Variants in CCSER1 observed in about 807,000 individuals in gnomAD.
CCSER1 encodes coiled-coil serine rich protein 1.
Under a neutral mutation model 82.0 loss-of-function variants are expected in CCSER1, and 41 were observed. That is an observed-to-expected ratio of 0.50 (90% CI 0.39 to 0.65). The LOEUF is 0.65. Ranked by LOEUF, CCSER1 falls within the 30% of genes least tolerant of loss-of-function variation. The pLI, the probability that CCSER1 is intolerant of heterozygous loss-of-function variation, is 0.00. For synonymous variants in CCSER1, 414 were observed against 383.9 expected (o/e 1.08, Z -0.92); for missense variants, 1,119 against 1,064.2 (o/e 1.05, Z -0.72).
chr4:90,202,463 A>G (rs1394648963), intron 1 of CCSER1, among the ~76,000 whole-genome samples: 1 of 152,164 alleles, frequency 6.6e-6, no homozygotes, highest in East Asian at 1.9e-4. Flanking sequence ...TTGGCCTCCC[A>G]GAGTGCTGGA....
Position 91,428,538 on chromosome 4 carries a change from C to T in CCSER1, c.2218-170034C>T, listed in dbSNP as rs1014299297. Among the ~76,000 whole-genome samples the T allele has an allele frequency of 2.6e-5, 4 of 151,928 alleles. No homozygotes were observed. The South Asian group carries it at 6.2e-4, about 24-fold the overall frequency. On this transcript the variant is annotated intron_variant, in intron 10 of 10. Transcript: ENST00000509176. Reference sequence around the variant, plus strand: ...CAGAGAGTGATTGGACTACTGAGATCGTAGTACATCATCACTGGATGGTCT... The same window carrying T: ...CAGAGAGTGATTGGACTACTGAGATTGTAGTACATCATCACTGGATGGTCT...
At chr4:91,040,705 C>A (rs1741887964) in intron 9 of CCSER1, among the ~76,000 whole-genome samples, 1 of 152,090 alleles carries the variant, frequency 6.6e-6, no homozygotes. Context: ...AACAGGAAAC[C>A]AAACATATTC....
chr4:90,958,445 C>T (rs1388363487), intron 9 of CCSER1, among the ~76,000 whole-genome samples: 1 of 152,124 alleles, frequency 6.6e-6, no homozygotes, highest in African/African-American at 2.4e-5. Flanking sequence ...AAGGTTTCCT[C>T]TCTAGGGCTG....
chr4:91,061,828 TA>T (rs1335994541), intron 9 of CCSER1, among the ~76,000 whole-genome samples: 2 of 152,108 alleles, frequency 1.3e-5, no homozygotes, highest in African/African-American at 4.8e-5. Flanking sequence ...TAGCACAGCA[TA>T]GACAAGTCCC....
chr4:90,877,115 G>A (rs1050826954), intron 8 of CCSER1, among the ~76,000 whole-genome samples: 1 of 151,980 alleles, frequency 6.6e-6, no homozygotes, highest in Non-Finnish European at 1.5e-5. Flanking sequence ...TTGTTTCCAG[G>A]ATCAAAGACT....
chr4:90,162,558 A>G (rs544289302), intron 1 of CCSER1, among the ~76,000 whole-genome samples: 4 of 152,162 alleles, frequency 2.6e-5, no homozygotes, highest in African/African-American at 9.6e-5. Flanking sequence ...CCTTTTTTAA[A>G]TGAGCGTAGC....
intron 4 of CCSER1, among the ~76,000 whole-genome samples, chr4:90,448,767 C>T (rs28431443): frequency 5.3e-5 from 8 of 151,736 alleles, no homozygotes; most frequent in Non-Finnish European, 1.0e-4. Flanking sequence ...AGAGAGAAAG[C>T]GAGAAGGGCT....
intron 10 of CCSER1, among the ~76,000 whole-genome samples, chr4:91,410,831 C>T (rs1316652660): frequency 6.6e-6 from 1 of 151,674 alleles, no homozygotes; most frequent in East Asian, 1.9e-4. Flanking sequence ...AGCATGTATC[C>T]AACAAACATG....
chr4:90,580,889 G>C (rs1781349386), intron 5 of CCSER1, among the ~76,000 whole-genome samples: 1 of 152,114 alleles, frequency 6.6e-6, no homozygotes, highest in Non-Finnish European at 1.5e-5. Flanking sequence ...TTTAAAACAG[G>C]ATACTTTGCT....
rs185650181 is a variant in CCSER1 at position 90,391,228 on chromosome 4, G to A, written c.1510-8808G>A. The stretch of plus-strand genomic sequence containing the variant: ...GCGGAGGTTGCAGTGAGCCGAGATC[G>A]TGCCATTGCGCTCCAGCCTGGGCGA... On this transcript the variant is annotated intron_variant, in intron 3 of 10. Transcript: ENST00000509176. 9.4e-3 allele frequency among the ~76,000 whole-genome samples: 1,317 copies of A among 139,764 alleles called. 26 individuals carry two copies. The highest frequency in any genetic ancestry group is 0.034 in the African/African-American group (1,242 of 36,170). The allele number at this position is 139,764 out of a possible 152,430, so 91.7% of individuals were successfully genotyped here. A position where few individuals can be genotyped will look rare whatever the true frequency, so the allele number is the denominator to read the frequency against.
At chr4:90,783,455 G>A (rs149409770) in intron 7 of CCSER1, among the ~76,000 whole-genome samples, 137 of 152,218 alleles carry the variant, frequency 9.0e-4, no homozygotes, top group African/African-American at 3.1e-3. Flanking sequence ...TGCTGAGTGT[G>A]GACTAGCTTG....
At chr4:91,413,332 C>T (rs1753174419) in intron 10 of CCSER1, among the ~76,000 whole-genome samples, 1 of 152,010 alleles carries the variant, frequency 6.6e-6, no homozygotes, top group Non-Finnish European at 1.5e-5. Context: ...TGGTGGCACA[C>T]ACCTGTAGTC....
intron 10 of CCSER1, among the ~76,000 whole-genome samples, chr4:91,441,580 T>C (rs1206841379): frequency 2.0e-5 from 3 of 152,188 alleles, no homozygotes; most frequent in Admixed American, 2.0e-4. Flanking sequence ...ATGCCTTCTC[T>C]CACCACTCCT....
chr4:91,277,002 G>A (rs1026507966), intron 10 of CCSER1, among the ~76,000 whole-genome samples: 4 of 151,934 alleles, frequency 2.6e-5, no homozygotes, highest in African/African-American at 9.7e-5. Flanking sequence ...TGGGATAAAT[G>A]TCACTTGATC....
chr4:91,143,305 T>C (rs34749897), intron 10 of CCSER1, among the ~76,000 whole-genome samples: 54,249 of 151,672 alleles, frequency 0.36, 10,948 homozygotes, highest in Non-Finnish European at 0.46. Context: ...CGTATAGAAA[T>C]GTTAAAGATT....
intron 10 of CCSER1, among the ~76,000 whole-genome samples, chr4:91,590,079 G>A (rs1348525720): frequency 1.3e-5 from 2 of 152,002 alleles, no homozygotes; most frequent in East Asian, 1.9e-4. Flanking sequence ...AAGAGAGAGA[G>A]GTGCTGTGAT....
Position 91,569,791 on chromosome 4 carries a change from G to A in CCSER1, c.2218-28781G>A, listed in dbSNP as rs533685975. Among the ~76,000 whole-genome samples the A allele has an allele frequency of 1.1e-4, 16 of 152,202 alleles. 1 individual carries two copies. The South Asian group carries it at 3.3e-3, about 32-fold the overall frequency. On this transcript the variant is annotated intron_variant, in intron 10 of 10. Transcript: ENST00000509176. ...GAACACAGCCGAACCATATCATTCT[G>A]CCCCTGCCTCCTCCCAAATATCATG...
At chr4:90,930,638 A>T (rs979876483) in intron 9 of CCSER1, among the ~76,000 whole-genome samples, 10 of 151,586 alleles carry the variant, frequency 6.6e-5, no homozygotes, top group African/African-American at 2.4e-4. Context: ...GAAAAGAAAA[A>T]AAAAGTCCTT....
intron 5 of CCSER1, among the ~76,000 whole-genome samples, chr4:90,574,906 A>G (rs1780571097): frequency 6.6e-6 from 1 of 152,146 alleles, no homozygotes; most frequent in Admixed American, 6.5e-5. Context: ...ATCATGCAGG[A>G]ATCTACAGGG....
Sources: gnomAD v4.1 joint callset for allele counts (sites outside exome capture counted in the v4.1 genomes callset) on GRCh38, gnomAD v4.1.1 for gene constraint, MANE v1.5 for transcripts, NCBI Gene and HGNC (gene_info 2026-07-23, HGNC 2026-07-21) for gene names.